The following IAH1 variants were observed in gnomAD, a reference collection of about 807,000 sequenced individuals.
IAH1 encodes isoamyl acetate-hydrolyzing esterase 1 homolog.
Under a neutral mutation model 26.7 loss-of-function variants are expected in IAH1, and 24 were observed. That is an observed-to-expected ratio of 0.90 (90% CI 0.65 to 1.26). The LOEUF (loss-of-function observed/expected upper bound fraction) is 1.26. IAH1 is among the 50% of genes most tolerant of loss of function. The probability of loss-of-function intolerance (pLI) is 0.00; values close to 1 mark genes in which losing one functional copy is unlikely to be tolerated. For synonymous variants in IAH1, 140 were observed against 118.5 expected (o/e 1.18, Z -1.18); for missense variants, 300 against 299.9 (o/e 1.00, Z 0.00).
intron 5 of IAH1, chr2:9,486,851 A>G (rs906236072): frequency 2.0e-5 from 3 of 151,712 alleles, no homozygotes; most frequent in Non-Finnish European, 4.4e-5. Flanking sequence ...AAAAAGTCAC[A>G]TAAGCTAGTT....
the IAH1 span, among the ~76,000 whole-genome samples, chr2:9,511,188 C>T: frequency 6.6e-6 from 1 of 152,208 alleles, no homozygotes; most frequent in Non-Finnish European, 1.5e-5. Flanking sequence ...GTGGCTCACA[C>T]CTGTAATCCC....
chr2:9,484,336 G>T, intron 4 of IAH1, 96 bp from the exon 5 acceptor site: 1 of 959,736 alleles, frequency 1.0e-6, no homozygotes, highest in Non-Finnish European at 1.7e-6. Flanking sequence ...AATATTTAAT[G>T]GCATTTTGAA....
chr2:9,502,263 G>A, the IAH1 span: 1 of 1,613,516 alleles, frequency 6.2e-7, no homozygotes, highest in Non-Finnish European at 8.5e-7. Context: ...TTACAGCAAG[G>A]ACTGTTCCTG....
chr2:9,509,838 C>A, the IAH1 span: 2 of 1,093,394 alleles, frequency 1.8e-6, no homozygotes, highest in Non-Finnish European at 2.6e-6. Context: ...AAACACACAA[C>A]CACGTTTCAA....
At chr2:9,493,693 G>A, downstream of IAH1, 2 of 1,477,910 alleles carry the variant, frequency 1.4e-6, no homozygotes, top group Non-Finnish European at 1.9e-6. Flanking sequence ...CTTTTCTAAT[G>A]TCATCACAGA....
intron 3 of IAH1, 46 bp from the exon 4 acceptor site, chr2:9,481,238 CTT>C (rs1187641144): frequency 6.3e-7 from 1 of 1,596,512 alleles, no homozygotes; most frequent in Non-Finnish European, 8.6e-7. Context: ...TGAATTGTCA[CTT>C]ATAATAAATA....
chr2:9,475,427 T>C (rs6432007), intron 1 of IAH1, among the ~76,000 whole-genome samples: 87,438 of 152,024 alleles, frequency 0.58, 26,489 homozygotes, highest in African/African-American at 0.69. Flanking sequence ...AGTGAGGCGG[T>C]GTGGCCTTCA....
At chr2:9,476,811 C>A (rs1660824232) in intron 2 of IAH1, among the ~76,000 whole-genome samples, 1 of 152,216 alleles carries the variant, frequency 6.6e-6, no homozygotes, top group African/African-American at 2.4e-5. Flanking sequence ...CAGGAACTGG[C>A]TGTTTCACTC....
chr2:9,502,717 A>G, the IAH1 span, among the ~76,000 whole-genome samples: 1 of 151,826 alleles, frequency 6.6e-6, no homozygotes, highest in Non-Finnish European at 1.5e-5. Flanking sequence ...CATCTCTACT[A>G]AAAATACAAA....
downstream of IAH1, chr2:9,489,899 T>TC: frequency 2.8e-6 from 1 of 356,066 alleles, no homozygotes; most frequent in South Asian, 7.4e-5. Flanking sequence ...CATAACCCAA[T>TC]CCAGCTGTAT....
At position 9,489,095 on chromosome 2, in the gene IAH1, C is replaced by T. The variant is rs1464260534; in HGVS notation, c.*766C>T. 6.6e-6 allele frequency: 1 copy of T among 152,036 alleles called. No individual in the cohort carries two copies. Among genetic ancestry groups the T allele is most frequent in the South Asian group, 2.1e-4 (1 of 4,828 alleles). The allele number at this position is 152,036 out of a possible 1,614,324, so 9.4% of individuals were successfully genotyped here. ...AAGTCTTGTGGGGACAGCCCCCAAC[C>T]CTAAGGGCAGGTAGTATTCTATCTC... On this transcript the variant is annotated 3_prime_UTR_variant, in exon 6 of 6. Coordinates refer to ENST00000497473, the MANE Select transcript of IAH1 (RefSeq NM_001039613.3).
At chr2:9,478,503 T>C (rs186968452) in intron 3 of IAH1, 133 bp downstream of exon 3, 5 of 807,578 alleles carry the variant, frequency 6.2e-6, no homozygotes. Context: ...TTATGTTGTT[T>C]ATATGTATTC....
chr2:9,500,650 A>G (rs1219370653), downstream of IAH1, among the ~76,000 whole-genome samples: 5 of 152,234 alleles, frequency 3.3e-5, no homozygotes, highest in African/African-American at 1.2e-4. Flanking sequence ...TAGATATATC[A>G]GAGGAACAAA....
the IAH1 span, among the ~76,000 whole-genome samples, chr2:9,503,945 G>A: frequency 6.6e-6 from 1 of 151,946 alleles, no homozygotes; most frequent in African/African-American, 2.4e-5. Context: ...TTGAGCCCAG[G>A]ACTTTACAAC....
In IAH1 at chr2:9,484,567, G is replaced by T; in HGVS notation, c.564+17G>T. 2 of 1,523,890 alleles carry T rather than the reference G, an allele frequency of 1.3e-6. No homozygotes were observed. The highest frequency in any genetic ancestry group is 2.3e-5 in the East Asian group (1 of 44,432). The allele number at this position is 1,523,890 out of a possible 1,614,324, so 94.4% of individuals were successfully genotyped here. The stretch of plus-strand genomic sequence containing the variant: ...GACAGCCAGGTACGGTGGCTTGCTC[G>T]GTCCTCTCGGGGTAAATAGGATCAC... On this transcript the variant is annotated intron_variant, in intron 5 of 5. Transcript: ENST00000497473.
chr2:9,493,935 G>A (rs960431224), downstream of IAH1: 4 of 864,900 alleles, frequency 4.6e-6, no homozygotes, highest in Admixed American at 2.8e-5. Flanking sequence ...AAAATCAAAC[G>A]TTTTCCCATC....
At chr2:9,512,123 A>G in the IAH1 span, among the ~76,000 whole-genome samples, 6 of 152,126 alleles carry the variant, frequency 3.9e-5, no homozygotes, top group Non-Finnish European at 7.3e-5. Context: ...GTCTTTCCAC[A>G]TGTTCATATT....
At chr2:9,495,483 C>T (rs1339511773) in intron 6 of IAH1, among the ~76,000 whole-genome samples, 2 of 152,114 alleles carry the variant, frequency 1.3e-5, no homozygotes, top group African/African-American at 4.8e-5. Context: ...GAGGCCAAGG[C>T]GGACAGATCA....
chr2:9,504,260 C>G, the IAH1 span, among the ~76,000 whole-genome samples: 1 of 151,452 alleles, frequency 6.6e-6, no homozygotes, highest in Non-Finnish European at 1.5e-5. Context: ...TCCTGGCCAA[C>G]ATGCTAAAAC....
Sources: gnomAD v4.1 joint callset for allele counts (sites outside exome capture counted in the v4.1 genomes callset) on GRCh38, gnomAD v4.1.1 for gene constraint, MANE v1.5 for transcripts, NCBI Gene and HGNC (gene_info 2026-07-23, HGNC 2026-07-21) for gene names.